Variants in STPG2 observed in about 807,000 individuals in gnomAD.
STPG2 encodes sperm-tail PG-rich repeat-containing protein 2.
A neutral mutation model predicts 54.2 loss-of-function variants in STPG2; 56 were observed. That is an observed-to-expected ratio of 1.03 (90% confidence interval 0.83 to 1.29). The LOEUF (loss-of-function observed/expected upper bound fraction) is 1.29. Among genes scored for constraint, STPG2 ranks in the 50% most tolerant of loss-of-function variants. The pLI, the probability that STPG2 is intolerant of heterozygous loss-of-function variation, is 0.00. For synonymous variants in STPG2, 200 were observed against 181.8 expected (o/e 1.10, Z -0.81); for missense variants, 596 against 544.9 (o/e 1.09, Z -0.93).
chr4:97,854,185 T>C (rs1729256680), intron 8 of STPG2, among the ~76,000 whole-genome samples: 1 of 152,174 alleles, frequency 6.6e-6, no homozygotes, highest in Non-Finnish European at 1.5e-5. Context: ...GTCTTTCCTA[T>C]GCACTGGAGT....
intron 8 of STPG2, among the ~76,000 whole-genome samples, chr4:97,919,552 A>G (rs185040915): frequency 6.6e-6 from 1 of 152,142 alleles, no homozygotes; most frequent in Non-Finnish European, 1.5e-5. Flanking sequence ...GATTAACTTT[A>G]AGCAAATATA....
chr4:97,567,032 T>C (rs984189977), intron 10 of STPG2, among the ~76,000 whole-genome samples: 2 of 151,802 alleles, frequency 1.3e-5, no homozygotes, highest in Non-Finnish European at 1.5e-5. Flanking sequence ...TAAAGTATAA[T>C]AATAATAAAA....
chr4:97,478,871 ATATGTGTG>A (rs1389741857), intron 4 of STPG2, among the ~76,000 whole-genome samples: 19 of 125,222 alleles, frequency 1.5e-4, no homozygotes, highest in African/African-American at 5.0e-4. Flanking sequence ...ACCAAGCCAA[ATATGTGTG>A]TGTGTGTGTG....
intron 10 of STPG2, among the ~76,000 whole-genome samples, chr4:97,697,039 A>C (rs1578488129): frequency 6.6e-6 from 1 of 152,278 alleles, no homozygotes; most frequent in Non-Finnish European, 1.5e-5. Flanking sequence ...TTGGTCCCCT[A>C]AGGGAATGTT....
chr4:97,474,214 GT>G, intron 4 of STPG2, among the ~76,000 whole-genome samples: 1 of 151,490 alleles, frequency 6.6e-6, no homozygotes, highest in African/African-American at 2.4e-5. Flanking sequence ...CATACATTTT[GT>G]TCAATTTTTC....
Position 98,050,385 on chromosome 4 carries a change from CATG to C in STPG2, c.612+55565_612+55567del, listed in dbSNP as rs547093173. 5.0e-3 allele frequency among the ~76,000 whole-genome samples: 767 copies of C among 152,288 alleles called. 8 individuals are homozygous for C. The highest frequency in any genetic ancestry group is 0.018 in the African/African-American group (736 of 41,544). ...GCTGAGTGATGGGCACATGAGGATT[CATG>C]ATAATAGTCTCTCCACTTTTGTGTT... On this transcript the variant is annotated intron_variant, in intron 5 of 10. Coordinates refer to ENST00000295268, the MANE Select transcript of STPG2 (RefSeq NM_174952.3).
intron 10 of STPG2, among the ~76,000 whole-genome samples, chr4:97,561,042 GT>G (rs1732220694): frequency 6.6e-6 from 1 of 152,054 alleles, no homozygotes; most frequent in Non-Finnish European, 1.5e-5. Context: ...TTCCACAATG[GT>G]TGAACTAGTT....
chr4:98,013,901 A>G (rs188887584), intron 5 of STPG2, among the ~76,000 whole-genome samples: 1 of 150,910 alleles, frequency 6.6e-6, no homozygotes, highest in Admixed American at 6.6e-5. Context: ...TATTTTGTTA[A>G]TTTTTTCAAA....
intron 10 of STPG2, among the ~76,000 whole-genome samples, chr4:97,622,904 C>G (rs1472600737): frequency 6.6e-6 from 1 of 152,156 alleles, no homozygotes; most frequent in Admixed American, 6.6e-5. Flanking sequence ...CAGCACAATA[C>G]TGGTACAAAA....
intron 1 of STPG2, among the ~76,000 whole-genome samples, chr4:98,141,714 G>A (rs1740286276): frequency 6.6e-6 from 1 of 152,070 alleles, no homozygotes; most frequent in South Asian, 2.1e-4. Flanking sequence ...AGGACCTCCT[G>A]AGGGCTGTGT....
intron 9 of STPG2, among the ~76,000 whole-genome samples, chr4:97,834,854 C>A (rs1271345105): frequency 6.6e-6 from 1 of 151,988 alleles, no homozygotes; most frequent in Non-Finnish European, 1.5e-5. Flanking sequence ...TCCTCTCTAC[C>A]CTGAATGCAA....
chr4:97,825,853 A>C (rs1479092065), intron 9 of STPG2, among the ~76,000 whole-genome samples: 1 of 152,224 alleles, frequency 6.6e-6, no homozygotes, highest in Non-Finnish European at 1.5e-5. Flanking sequence ...TTGGTAAATA[A>C]ATAAAGTTTT....
At position 97,767,497 on chromosome 4, in the gene STPG2, T is replaced by C. The variant is rs543719301; in HGVS notation, c.1205-54683A>G. Among the ~76,000 whole-genome samples the C allele has an allele frequency of 1.2e-4, 18 of 152,258 alleles. No homozygotes were observed. The East Asian group carries it at 3.3e-3, about 28-fold the overall frequency. On this transcript the variant is annotated intron_variant, in intron 9 of 10. Transcript: ENST00000295268. ...ACTGGCTTCTATTAGAGTTTAAATT[T>C]TACAATATAAATACAATTTGCTGTA...
chr4:97,921,093 G>T (rs1274382227), intron 8 of STPG2, among the ~76,000 whole-genome samples: 2 of 152,170 alleles, frequency 1.3e-5, no homozygotes, highest in Admixed American at 6.6e-5. Context: ...GAAAGTACCG[G>T]TTTACATTAT....
chr4:97,979,253 G>A (rs1318418430), intron 6 of STPG2, among the ~76,000 whole-genome samples: 2 of 71,776 alleles, frequency 2.8e-5, no homozygotes, highest in Non-Finnish European at 6.0e-5. Flanking sequence ...ATTTCATAGA[G>A]AAAAAAGGAT....
chr4:97,596,505 TA>T (rs1046052766), intron 10 of STPG2, among the ~76,000 whole-genome samples: 1 of 152,060 alleles, frequency 6.6e-6, no homozygotes, highest in Non-Finnish European at 1.5e-5. Flanking sequence ...ATGGACCACA[TA>T]ATTGGCCATA....
chr4:97,907,393 C>T (rs1163340540), intron 8 of STPG2, among the ~76,000 whole-genome samples: 1 of 152,176 alleles, frequency 6.6e-6, no homozygotes, highest in Non-Finnish European at 1.5e-5. Context: ...GAAGAATAAT[C>T]CATGTTCATG....
chr4:97,576,952 C>A (rs1461697327), intron 10 of STPG2, among the ~76,000 whole-genome samples: 1 of 152,104 alleles, frequency 6.6e-6, no homozygotes, highest in Non-Finnish European at 1.5e-5. Context: ...TGAACAGAAA[C>A]TTCTCAAAAG....
rs116874867 is a variant in STPG2, at chr4:97,593,634, G to C, written c.1321-34517C>G. ...GAAACACTGCAGCCCCAGACCCACT[G>C]CTACACCACCCCAGCCAATGCCCCT... On this transcript the variant is annotated intron_variant, in intron 10 of 10. Coordinates refer to ENST00000295268, the MANE Select transcript of STPG2 (RefSeq NM_174952.3). 3.3e-3 allele frequency among the ~76,000 whole-genome samples: 501 copies of C among 152,224 alleles called. 29 individuals are homozygous for C. The East Asian group carries it at 0.081, about 25-fold the overall frequency.
Sources: gnomAD v4.1 joint callset for allele counts (sites outside exome capture counted in the v4.1 genomes callset) on GRCh38, gnomAD v4.1.1 for gene constraint, MANE v1.5 for transcripts, NCBI Gene and HGNC (gene_info 2026-07-23, HGNC 2026-07-21) for gene names.